The following SCMH1 variants were observed in gnomAD, a reference collection of about 807,000 sequenced individuals.
SCMH1 encodes polycomb protein SCMH1.
Under a neutral mutation model 70.8 loss-of-function variants are expected in SCMH1, and 37 were observed. The observed-to-expected ratio is 0.52, with a 90% CI of 0.40 to 0.69. The LOEUF is 0.69. SCMH1 is among the 30% of genes least tolerant of loss of function. The pLI is 0.00. For missense variants in SCMH1, 607 were observed against 827.3 expected (o/e 0.73, Z 3.27); for synonymous variants, 292 against 307.4 (o/e 0.95, Z 0.52).
intron 10 of SCMH1, among the ~76,000 whole-genome samples, chr1:41,055,940 G>A (rs145300195): frequency 6.6e-6 from 1 of 152,294 alleles, no homozygotes; most frequent in African/African-American, 2.4e-5. Context: ...GTGAGGGCAA[G>A]AATAAATTTT....
exon 6 of SCMH1, chr1:41,142,988 C>T: frequency 6.2e-7 from 1 of 1,614,124 alleles, no homozygotes; most frequent in Non-Finnish European, 8.5e-7. Context: ...CCCATCAAGG[C>T]GCAGGCGAAG....
At chr1:41,027,909 G>A (rs1446500650) in exon 15 of SCMH1, 1 of 414,004 alleles carries the variant, frequency 2.4e-6, no homozygotes, top group Non-Finnish European at 4.4e-6. Context: ...TAAACTCCTG[G>A]TGAGAGGCCA....
intron 10 of SCMH1, among the ~76,000 whole-genome samples, chr1:41,070,044 C>T (rs1190153876): frequency 3.3e-5 from 5 of 151,946 alleles, no homozygotes; most frequent in Non-Finnish European, 5.9e-5. Flanking sequence ...TTATAGTTAC[C>T]CCCTTGGAAG....
chr1:41,182,352 TA>T (rs1188977766), intron 2 of SCMH1, among the ~76,000 whole-genome samples: 2 of 151,918 alleles, frequency 1.3e-5, no homozygotes, highest in Admixed American at 1.3e-4. Flanking sequence ...AGTATAATAA[TA>T]AAAAAGAAAA....
At chr1:41,126,550 T>C (rs1017017879) in intron 6 of SCMH1, among the ~76,000 whole-genome samples, 1 of 152,216 alleles carries the variant, frequency 6.6e-6, no homozygotes, top group Non-Finnish European at 1.5e-5. Flanking sequence ...CCTGTGTTTC[T>C]TTTTACAAAA....
At chr1:41,028,654 T>G (rs1321939684) in exon 14 of SCMH1, 1 of 1,614,112 alleles carries the variant, frequency 6.2e-7, no homozygotes, top group Middle Eastern at 1.6e-4. Flanking sequence ...CATCACATCC[T>G]CGACTGTCCA....
intron 2 of SCMH1, among the ~76,000 whole-genome samples, chr1:41,176,341 G>A (rs1014115212): frequency 3.9e-5 from 6 of 152,202 alleles, no homozygotes; most frequent in Admixed American, 3.3e-4. Flanking sequence ...GAAGACCGGT[G>A]ATTTCTGCAT....
chr1:41,119,138 G>A (rs1354158787), intron 6 of SCMH1, among the ~76,000 whole-genome samples: 1 of 152,130 alleles, frequency 6.6e-6, no homozygotes. Flanking sequence ...TTTAAAACTG[G>A]CAATGTATGG....
chr1:41,089,283 C>A (rs1179404773), intron 8 of SCMH1, among the ~76,000 whole-genome samples: 1 of 152,210 alleles, frequency 6.6e-6, no homozygotes, highest in African/African-American at 2.4e-5. Flanking sequence ...ATATCTGCAA[C>A]TGAAGTTCTG....
rs1342534651 is a variant in SCMH1 at position 41,197,666 on chromosome 1, CTTTAAG to C, written c.-117-11422_-117-11417del. Among the ~76,000 whole-genome samples the C allele has an allele frequency of 3.3e-5, 5 of 151,646 alleles. No homozygotes were observed. The East Asian group carries it at 5.8e-4, about 18-fold the overall frequency. ...GTACTTAATGTCTTAAGATGGTAAA[CTTTAAG>C]TTTATGTATATTTTGCCACAATTAA... On this transcript the variant is annotated intron_variant, in intron 1 of 14. Coordinates refer to ENST00000337495, the Ensembl canonical transcript of SCMH1.
chr1:41,236,434 T>C (rs1662395150), intron 1 of SCMH1, among the ~76,000 whole-genome samples: 1 of 151,920 alleles, frequency 6.6e-6, no homozygotes, highest in African/African-American at 2.4e-5. Flanking sequence ...TGGTTAACAA[T>C]GTAGGAAACA....
At chr1:41,122,338 G>A (rs1672152430) in intron 6 of SCMH1, among the ~76,000 whole-genome samples, 1 of 152,076 alleles carries the variant, frequency 6.6e-6, no homozygotes, top group Non-Finnish European at 1.5e-5. Flanking sequence ...TTTACAGTTA[G>A]TTATTTGCTG....
intron 6 of SCMH1, among the ~76,000 whole-genome samples, chr1:41,132,648 A>G (rs1184855425): frequency 6.6e-6 from 1 of 152,190 alleles, no homozygotes; most frequent in Non-Finnish European, 1.5e-5. Context: ...GGTACTGCCC[A>G]GGTTTTCTTC....
intron 6 of SCMH1, among the ~76,000 whole-genome samples, chr1:41,127,227 A>G (rs561681740): frequency 6.6e-6 from 1 of 152,044 alleles, no homozygotes; most frequent in African/African-American, 2.4e-5. Context: ...CTATTTTTCT[A>G]TTTATGAGTG....
At chr1:41,042,856 A>G (rs1406951211) in intron 12 of SCMH1, among the ~76,000 whole-genome samples, 3 of 152,196 alleles carry the variant, frequency 2.0e-5, no homozygotes, top group Non-Finnish European at 4.4e-5. Flanking sequence ...TTGATGACCT[A>G]AAGTAAAACA....
intron 4 of SCMH1, among the ~76,000 whole-genome samples, 176 bp from the exon 5 acceptor site, chr1:41,151,860 C>T (rs758967087): frequency 2.6e-5 from 4 of 152,114 alleles, no homozygotes; most frequent in Non-Finnish European, 4.4e-5. Context: ...GTGACCTGAG[C>T]GGATGTTTTA....
chr1:41,205,666 A>G (rs1301511896), intron 1 of SCMH1, among the ~76,000 whole-genome samples: 1 of 152,232 alleles, frequency 6.6e-6, no homozygotes, highest in Non-Finnish European at 1.5e-5. Context: ...GGCAGGGCAT[A>G]GCTGAACAAA....
chr1:41,184,402 CT>C (rs1175502061), intron 2 of SCMH1, among the ~76,000 whole-genome samples: 3 of 152,110 alleles, frequency 2.0e-5, no homozygotes, highest in Non-Finnish European at 4.4e-5. Context: ...GGGAGTAAAT[CT>C]GACAATTAAA....
intron 6 of SCMH1, among the ~76,000 whole-genome samples, chr1:41,128,790 T>C (rs534177186): frequency 4.6e-5 from 7 of 152,182 alleles, no homozygotes; most frequent in African/African-American, 1.7e-4. Flanking sequence ...ATATATGTTA[T>C]AGGCTACGTG....
Sources: allele counts gnomAD v4.1 joint callset (sites outside exome capture counted in the v4.1 genomes callset), GRCh38; gene constraint gnomAD v4.1.1; transcripts MANE v1.5; gene names NCBI Gene and HGNC (gene_info 2026-07-23, HGNC 2026-07-21).